Variants in ATP2C1 observed in about 807,000 individuals in gnomAD.
ATP2C1 encodes the protein calcium-transporting ATPase type 2C member 1.
In ATP2C1, 31 loss-of-function variants were observed where a neutral mutation model predicts 120.5. The ratio of observed to expected loss-of-function variants is 0.26; its 90% CI spans 0.19 to 0.35. ATP2C1 has a LOEUF of 0.35. ATP2C1 is among the 10% of genes least tolerant of loss of function. ATP2C1 has a pLI of 1.00. For synonymous variants in ATP2C1, 351 were observed against 358.7 expected, an observed-to-expected ratio of 0.98 and a Z score of 0.24; for missense variants, 731 against 1,107.5, an observed-to-expected ratio of 0.66 and a Z score of 4.83.
intron 14 of ATP2C1, among the ~76,000 whole-genome samples, chr3:130,965,252 A>T (rs187858686): frequency 6.6e-6 from 1 of 151,952 alleles, no homozygotes; most frequent in Non-Finnish European, 1.5e-5. Context: ...CCTCCTTGAC[A>T]TCTCTCTTTC....
intron 17 of ATP2C1, among the ~76,000 whole-genome samples, chr3:130,972,216 C>T (rs1425860890): frequency 6.6e-6 from 1 of 152,166 alleles, no homozygotes; most frequent in Non-Finnish European, 1.5e-5. Flanking sequence ...AGATTGAGCT[C>T]AGGCAGTAGT....
chr3:130,854,855 A>G (rs567399691), intron 1 of ATP2C1, among the ~76,000 whole-genome samples: 2 of 152,348 alleles, frequency 1.3e-5, no homozygotes, highest in East Asian at 3.9e-4. Context: ...TTATACCCAG[A>G]GCACTTCAGC....
In ATP2C1 at chr3:130,967,161, A is replaced by G. The variant is rs758924347; in HGVS notation, c.1139A>G (p.Tyr380Cys). 11 of 1,613,488 alleles carry G rather than the reference A, an allele frequency of 6.8e-6. No individual in the cohort carries two copies. The highest frequency in any genetic ancestry group is 6.7e-5 in the East Asian group (3 of 44,870). ...GLHAEVTGVG[Y>C]NQFGEVIVDG... ...GATCTTTAGGTTACTGGAGTTGGCT[A>G]TAATCAATTTGGGGAAGTGATTGTT... The change falls in exon 15 of 28, where the codon TAT becomes TGT. Residue 380 changes from tyrosine (Y) to cysteine (C), a missense_variant. This residue lies in a region of ATP2C1 where 571 missense variants were observed against 845.9 expected (regional missense o/e 0.67). Coordinates refer to ENST00000510168, the MANE Select transcript of ATP2C1 (RefSeq NM_001378687.1).
chr3:131,003,492 C>T (rs1560041393), downstream of ATP2C1, among the ~76,000 whole-genome samples: 1 of 152,070 alleles, frequency 6.6e-6, no homozygotes, highest in Admixed American at 6.6e-5. Flanking sequence ...GGCTAAACAT[C>T]AGGGAAGAAA....
chr3:130,913,019 C>G (rs1401173803), intron 2 of ATP2C1, among the ~76,000 whole-genome samples: 1 of 141,488 alleles, frequency 7.1e-6, no homozygotes, highest in East Asian at 2.1e-4. Context: ...AACCAAACAC[C>G]ACATATTCTC....
intron 21 of ATP2C1, among the ~76,000 whole-genome samples, chr3:130,993,253 A>G (rs966385409): frequency 2.6e-5 from 4 of 152,230 alleles, no homozygotes; most frequent in African/African-American, 7.2e-5. Flanking sequence ...GTATAAAACA[A>G]TGTTCTAACT....
intron 1 of ATP2C1, chr3:130,851,016 T>C (rs2067658545): frequency 2.7e-6 from 2 of 733,476 alleles, no homozygotes; most frequent in African/African-American, 3.7e-5. Context: ...TTTGTGCTGG[T>C]TTACATGTTT....
chr3:130,994,678 C>CT (rs2062520619), intron 22 of ATP2C1, among the ~76,000 whole-genome samples: 1 of 151,954 alleles, frequency 6.6e-6, no homozygotes, highest in Admixed American at 6.6e-5. Flanking sequence ...TTTTTGGTAG[C>CT]TACCTGTTGG....
chr3:130,872,956 C>A (rs1478383806), intron 1 of ATP2C1, among the ~76,000 whole-genome samples: 2 of 152,116 alleles, frequency 1.3e-5, no homozygotes, highest in South Asian at 2.1e-4. Context: ...AGAATAATTT[C>A]TCCAGTAATG....
chr3:131,000,474 C>G (rs574193066), intron 27 of ATP2C1, among the ~76,000 whole-genome samples: 3 of 152,282 alleles, frequency 2.0e-5, no homozygotes, highest in East Asian at 1.9e-4. Context: ...ATTGTAAAGA[C>G]AAGTCTTCTA....
At chr3:130,892,363 C>T (rs549199487), upstream of ATP2C1, among the ~76,000 whole-genome samples, 4 of 152,266 alleles carry the variant, frequency 2.6e-5, no homozygotes, top group East Asian at 1.9e-4. Flanking sequence ...AAATTGATTA[C>T]GAGAGATCAC....
At position 130,894,533 on chromosome 3, in the gene ATP2C1, C is replaced by T. The variant is rs115940289; in HGVS notation, c.-180-57C>T. ...GGGGGCTCCCGAGATAGTGGCTGGG[C>T]GGGGAACTCCTTCCTCAGCCTCTCG... On this transcript the variant is annotated intron_variant, in intron 1 of 27. Transcript: ENST00000510168. The surrounding 1 kb of genome is among the most constrained non-coding windows in gnomAD (Gnocchi z 4.5). 6.5e-3 allele frequency: 9,093 copies of T among 1,393,578 alleles called. 355 individuals carry two copies. In the African/African-American group the frequency reaches 0.096, roughly 15 times the overall value. 86.3% of individuals were successfully genotyped at this position (1,393,578 alleles called of 1,614,324 possible). A position where few individuals can be genotyped will look rare whatever the true frequency, so the allele number is the denominator to read the frequency against.
chr3:130,923,416 C>T (rs545871913), intron 2 of ATP2C1, among the ~76,000 whole-genome samples: 38 of 151,908 alleles, frequency 2.5e-4, no homozygotes, highest in Admixed American at 7.9e-4. Context: ...TTAGTAGAAA[C>T]GAGTTTTCAC....
chr3:130,894,345 C>T lies in ATP2C1; in HGVS notation c.-181+8C>T, dbSNP rs2685194. ...GGCTGTCCGGGGCTTTGGGTGGGTA[C>T]CAGTATTACCTCCTGCCCCCATTTC... On this transcript the variant is annotated splice_region_variant and intron_variant, in intron 1 of 27. Transcript: ENST00000510168. This position sits in a 1 kb window ranked among gnomAD's most constrained non-coding sequence, Gnocchi z 4.5. 6.8e-4 allele frequency: 692 copies of T among 1,016,776 alleles called. 4 individuals are homozygous for T. Among genetic ancestry groups the T allele is most frequent in the Middle Eastern group, 6.5e-3 (13 of 1,992 alleles). The allele number at this position is 1,016,776 out of a possible 1,614,324, so 63.0% of individuals were successfully genotyped here.
chr3:130,977,685 G>A (rs1324472323), intron 18 of ATP2C1, among the ~76,000 whole-genome samples: 2 of 152,158 alleles, frequency 1.3e-5, no homozygotes, highest in Non-Finnish European at 2.9e-5. Flanking sequence ...GTAGACCAGA[G>A]TTGGTAGAGG....
In ATP2C1 at chr3:130,986,183, G is replaced by GGT. The variant is rs2062003106; in HGVS notation, c.1839+5504_1839+5505insGT. Among the ~76,000 whole-genome samples, 18 of 58,086 alleles carry GGT rather than the reference G, an allele frequency of 3.1e-4. No homozygotes were observed. The Admixed American group carries it at 3.4e-3, about 11-fold the overall frequency. 38.1% of individuals were successfully genotyped at this position (58,086 alleles called of 152,430 possible). A position where few individuals can be genotyped will look rare whatever the true frequency, so the allele number is the denominator to read the frequency against. ...GAAGGTGTTTATATATTTGAATAGG[G>GGT]CTTTTTTTTTTTTTTTGGTGCACGT... On this transcript the variant is annotated intron_variant, in intron 20 of 27. Coordinates refer to ENST00000510168, the MANE Select transcript of ATP2C1 (RefSeq NM_001378687.1).
intron 2 of ATP2C1, among the ~76,000 whole-genome samples, chr3:130,929,023 G>T (rs1368886811): frequency 1.3e-5 from 2 of 151,788 alleles, no homozygotes; most frequent in Non-Finnish European, 2.9e-5. Flanking sequence ...TCTAAAACAT[G>T]TGTGTAGCTT....
At chr3:130,931,281 C>A (rs749472371) in intron 3 of ATP2C1, among the ~76,000 whole-genome samples, 2 of 151,894 alleles carry the variant, frequency 1.3e-5, no homozygotes, top group Non-Finnish European at 2.9e-5. Flanking sequence ...TAATTTTATT[C>A]TTTAATAGTT....
intron 1 of ATP2C1, among the ~76,000 whole-genome samples, chr3:130,865,888 A>G (rs2068160554): frequency 6.6e-6 from 1 of 152,214 alleles, no homozygotes; most frequent in Non-Finnish European, 1.5e-5. Flanking sequence ...TACTCTAGAT[A>G]AAGATCATCT....
Sources: allele counts gnomAD v4.1 joint callset (sites outside exome capture counted in the v4.1 genomes callset), GRCh38; gene constraint gnomAD v4.1.1; regional missense constraint gnomAD v4.1.1; non-coding constraint Gnocchi (gnomAD v3.1); transcripts MANE v1.5; gene names NCBI Gene and HGNC (gene_info 2026-07-23, HGNC 2026-07-21).